The following SUPT3H variants were observed in gnomAD, a reference collection of about 807,000 sequenced individuals.
SUPT3H encodes the protein SPT3 homolog, SAGA and STAGA complex component.
SUPT3H carries 44 observed loss-of-function variants against 44.3 expected under a neutral mutation model. That is an observed-to-expected ratio of 0.99 (90% CI 0.78 to 1.28). The LOEUF is 1.28. SUPT3H is among the 50% of genes most tolerant of loss of function. The pLI is 0.00. For missense variants in SUPT3H, 380 were observed against 387.1 expected, an observed-to-expected ratio of 0.98 and a Z score of 0.15; for synonymous variants, 124 against 125.6, an observed-to-expected ratio of 0.99 and a Z score of 0.09.
rs1431946430 is a variant in SUPT3H, at chr6:44,827,643, T to C, written c.*2173A>G. 1.3e-5 allele frequency among the ~76,000 whole-genome samples: 2 copies of C among 152,142 alleles called. No homozygotes were observed. The highest frequency in any genetic ancestry group is 2.9e-5 in the Non-Finnish European group (2 of 67,968). ...TTCTGTAAATTTTCTTTTGTTTCTA[T>C]AGTCACTGCTGAAGGAAGTTTTATT... On this transcript the variant is annotated 3_prime_UTR_variant, in exon 11 of 11. Coordinates refer to ENST00000371459, the MANE Select transcript of SUPT3H (RefSeq NM_003599.4).
intron 6 of SUPT3H, among the ~76,000 whole-genome samples, chr6:45,002,092 AG>A (rs1239384219): frequency 6.6e-6 from 1 of 152,114 alleles, no homozygotes; most frequent in Non-Finnish European, 1.5e-5. Context: ...GTACATATGA[AG>A]ATTTTCACTG....
At chr6:44,948,817 G>T (rs1773784107) in intron 9 of SUPT3H, among the ~76,000 whole-genome samples, 1 of 152,140 alleles carries the variant, frequency 6.6e-6, no homozygotes, top group Non-Finnish European at 1.5e-5. Context: ...TTCAACCATT[G>T]TGGAAGACAG....
In SUPT3H at chr6:45,070,739, C is replaced by CAAAAA. The variant is rs11393241; in HGVS notation, c.186+35178_186+35182dup. Among the ~76,000 whole-genome samples the CAAAAA allele has an allele frequency of 4.2e-3, 432 of 102,132 alleles. 2 individuals are homozygous for CAAAAA. The highest frequency in any genetic ancestry group is 9.5e-3 in the African/African-American group (243 of 25,712). The allele number at this position is 102,132 out of a possible 152,430, so 67.0% of individuals were successfully genotyped here. On this transcript the variant is annotated intron_variant, in intron 3 of 10. Coordinates refer to ENST00000371459, the MANE Select transcript of SUPT3H (RefSeq NM_003599.4). ...AATAAGAGCAAAACTCTGTCTCAAA[C>CAAAAA]AAAAAAAAAAAAAAAAAAAAGAAAT...
rs1767787051 is a variant in SUPT3H at position 44,826,730 on chromosome 6, C to G, written c.*3086G>C. 6.6e-6 allele frequency among the ~76,000 whole-genome samples: 1 copy of G among 152,146 alleles called. No individual in the cohort carries two copies. Among genetic ancestry groups the G allele is most frequent in the African/African-American group, 2.4e-5 (1 of 41,428 alleles). ...AATTCTAAACAAGTAAACATGTTTTCTTTCAGACCAAGAATCACCAGTTAT... is the reference window on the plus strand; with the variant it reads ...AATTCTAAACAAGTAAACATGTTTTGTTTCAGACCAAGAATCACCAGTTAT... On this transcript the variant is annotated 3_prime_UTR_variant, in exon 11 of 11. Transcript: ENST00000371459.
chr6:45,323,880 C>G (rs936372056), intron 2 of SUPT3H, among the ~76,000 whole-genome samples: 2 of 152,028 alleles, frequency 1.3e-5, no homozygotes, highest in African/African-American at 2.4e-5. Flanking sequence ...ACTATATTCT[C>G]TAAGTACAAA....
intron 3 of SUPT3H, among the ~76,000 whole-genome samples, chr6:45,094,185 C>T (rs946794559): frequency 6.6e-6 from 1 of 151,994 alleles, no homozygotes; most frequent in African/African-American, 2.4e-5. Flanking sequence ...CGAACTAAAA[C>T]GTTCAGCACA....
chr6:45,295,540 A>AC (rs1272059365), intron 2 of SUPT3H, among the ~76,000 whole-genome samples: 2 of 147,628 alleles, frequency 1.4e-5, no homozygotes, highest in Non-Finnish European at 3.0e-5. Context: ...AAAAAAAAAA[A>AC]AAAAAAAAAA....
At chr6:45,075,066 T>C (rs917426521) in intron 3 of SUPT3H, among the ~76,000 whole-genome samples, 3 of 152,088 alleles carry the variant, frequency 2.0e-5, no homozygotes, top group Admixed American at 6.6e-5. Context: ...TAAGGAATGA[T>C]AGCTTGTCAA....
chr6:45,203,108 A>G (rs1762683553), intron 2 of SUPT3H, among the ~76,000 whole-genome samples: 1 of 152,214 alleles, frequency 6.6e-6, no homozygotes, highest in Non-Finnish European at 1.5e-5. Context: ...GAAATAAAAT[A>G]AAATACAGGT....
At chr6:45,032,556 T>TA (rs909061312) in intron 3 of SUPT3H, among the ~76,000 whole-genome samples, 1 of 152,162 alleles carries the variant, frequency 6.6e-6, no homozygotes, top group Non-Finnish European at 1.5e-5. Flanking sequence ...CTCTGGTCAC[T>TA]AAAACCAAAA....
intron 3 of SUPT3H, among the ~76,000 whole-genome samples, chr6:45,062,811 C>T (rs1215688717): frequency 6.6e-6 from 1 of 152,032 alleles, no homozygotes; most frequent in African/African-American, 2.4e-5. Context: ...GAGGGTCCTA[C>T]GCCCACGGAG....
intron 3 of SUPT3H, among the ~76,000 whole-genome samples, chr6:45,028,581 G>A (rs771009119): frequency 1.3e-5 from 2 of 151,682 alleles, no homozygotes; most frequent in East Asian, 1.9e-4. Flanking sequence ...TGTACTACCC[G>A]TATTTAACAG....
chr6:45,219,566 A>T (rs1311142600), intron 2 of SUPT3H, among the ~76,000 whole-genome samples: 1 of 152,190 alleles, frequency 6.6e-6, no homozygotes, highest in Non-Finnish European at 1.5e-5. Context: ...ACCACACAGT[A>T]CCAAAATACA....
chr6:45,162,366 T>C (rs980548500), intron 2 of SUPT3H, among the ~76,000 whole-genome samples: 12 of 151,610 alleles, frequency 7.9e-5, no homozygotes, highest in Non-Finnish European at 1.6e-4. Context: ...TCTACAAAAA[T>C]AAAAACTCTT....
chr6:45,002,373 C>T (rs1284781613), intron 6 of SUPT3H, among the ~76,000 whole-genome samples: 1 of 151,874 alleles, frequency 6.6e-6, no homozygotes, highest in Non-Finnish European at 1.5e-5. Flanking sequence ...CCAAGATCTT[C>T]CCATCAAAAT....
In SUPT3H at chr6:45,109,056, A is replaced by G. The variant is rs569826361; in HGVS notation, c.102-3050T>C. Reference sequence around the variant, plus strand: ...TTAAAAGTAAATATAAATTGGTTCTAAACATTATATGAGATGGTAAAGAGA... The same window carrying G: ...TTAAAAGTAAATATAAATTGGTTCTGAACATTATATGAGATGGTAAAGAGA... On this transcript the variant is annotated intron_variant, in intron 2 of 10. Coordinates refer to ENST00000371459, the MANE Select transcript of SUPT3H (RefSeq NM_003599.4). 5.3e-5 allele frequency among the ~76,000 whole-genome samples: 8 copies of G among 152,276 alleles called. No individual in the cohort carries two copies. In the East Asian group the frequency reaches 1.2e-3, roughly 22 times the overall value.
At chr6:45,075,573 C>T (rs923128034) in intron 3 of SUPT3H, among the ~76,000 whole-genome samples, 3 of 152,126 alleles carry the variant, frequency 2.0e-5, no homozygotes, top group Non-Finnish European at 4.4e-5. Flanking sequence ...GAAATTCCAT[C>T]TCATGATAGC....
chr6:45,300,570 G>T (rs1584793370), intron 2 of SUPT3H, among the ~76,000 whole-genome samples: 1 of 152,156 alleles, frequency 6.6e-6, no homozygotes, highest in Non-Finnish European at 1.5e-5. Context: ...CTACTCCTTG[G>T]TGTTACCAGT....
At chr6:45,362,869 T>A (rs1464555795) in intron 2 of SUPT3H, among the ~76,000 whole-genome samples, 2 of 152,104 alleles carry the variant, frequency 1.3e-5, no homozygotes, top group African/African-American at 4.8e-5. Flanking sequence ...CCAAGGTCCA[T>A]CAAATGCACT....
Sources: allele counts gnomAD v4.1 joint callset (sites outside exome capture counted in the v4.1 genomes callset), GRCh38; gene constraint gnomAD v4.1.1; transcripts MANE v1.5; gene names NCBI Gene and HGNC (gene_info 2026-07-23, HGNC 2026-07-21).